Variants in ITGB6 observed in about 807,000 individuals in gnomAD.
ITGB6 encodes the protein integrin beta-6.
ITGB6 carries 80 observed loss-of-function variants against 84.5 expected under a neutral mutation model. The observed-to-expected ratio is 0.95, with a 90% CI of 0.79 to 1.14. The LOEUF is 1.14. Among genes scored for constraint, ITGB6 ranks in the 50% most tolerant of loss-of-function variants. The pLI, the probability that ITGB6 is intolerant of heterozygous loss-of-function variation, is 0.00. For missense variants in ITGB6, 1,006 were observed against 968.0 expected (o/e 1.04, Z -0.52); for synonymous variants, 383 against 354.9 (o/e 1.08, Z -0.89).
chr2:160,148,632 A>G (rs1559154559), intron 7 of ITGB6, among the ~76,000 whole-genome samples: 1 of 152,192 alleles, frequency 6.6e-6, no homozygotes, highest in Non-Finnish European at 1.5e-5. Context: ...GGGTGAGCAG[A>G]AGCAGGGCGG....
At chr2:160,110,275 T>C (rs1299827109) in intron 13 of ITGB6, among the ~76,000 whole-genome samples, 2 of 152,160 alleles carry the variant, frequency 1.3e-5, no homozygotes, top group African/African-American at 2.4e-5. Flanking sequence ...ACCTTTAAAA[T>C]GAAAATAATA....
chr2:160,175,004 G>A (rs1023027645), intron 4 of ITGB6, among the ~76,000 whole-genome samples: 14 of 152,200 alleles, frequency 9.2e-5, no homozygotes, highest in Admixed American at 4.6e-4. Context: ...GCTCACTGGC[G>A]TGCATTGTAC....
chr2:160,143,871 C>T (rs71423044), intron 7 of ITGB6, among the ~76,000 whole-genome samples: 10,055 of 152,184 alleles, frequency 0.066, 381 homozygotes, highest in Middle Eastern at 0.14. Flanking sequence ...CAGGGTGCCC[C>T]GGGCACTTGC....
intron 4 of ITGB6, among the ~76,000 whole-genome samples, chr2:160,187,405 G>A (rs1357583987): frequency 1.3e-5 from 2 of 151,970 alleles, no homozygotes; most frequent in African/African-American, 4.8e-5. Flanking sequence ...ACTTTCACCT[G>A]TTATCTAGTT....
chr2:160,181,093 GT>G (rs540374605), intron 4 of ITGB6, among the ~76,000 whole-genome samples: 227 of 152,144 alleles, frequency 1.5e-3, no homozygotes, highest in African/African-American at 4.8e-3. Flanking sequence ...AGCTGCCGGA[GT>G]TTTTTTTCAT....
chr2:160,160,262 A>G (rs1222496416), intron 7 of ITGB6, among the ~76,000 whole-genome samples: 2 of 152,248 alleles, frequency 1.3e-5, no homozygotes, highest in African/African-American at 4.8e-5. Context: ...TGGAAAGCAG[A>G]GAAACAATGA....
intron 7 of ITGB6, among the ~76,000 whole-genome samples, chr2:160,144,398 C>T (rs1263046788): frequency 2.6e-5 from 4 of 152,130 alleles, no homozygotes; most frequent in Non-Finnish European, 2.9e-5. Flanking sequence ...CACTGGTTTA[C>T]GGACTTACCT....
intron 7 of ITGB6, among the ~76,000 whole-genome samples, chr2:160,148,807 G>A (rs764126823): frequency 2.6e-5 from 4 of 152,240 alleles, no homozygotes; most frequent in Non-Finnish European, 5.9e-5. Context: ...TCCCGTACCT[G>A]GCTAAGTGGC....
rs116407376 is a variant in ITGB6, at chr2:160,154,623, C to G, written c.1018-12552G>C. On this transcript the variant is annotated intron_variant, in intron 7 of 14. Coordinates refer to ENST00000283249, the MANE Select transcript of ITGB6 (RefSeq NM_000888.5). Reference sequence around the variant, plus strand: ...ACTTATGTCCACACAAAAACGTGTACATAGATGTTTATACCTGCTTTATTC... The same window carrying G: ...ACTTATGTCCACACAAAAACGTGTAGATAGATGTTTATACCTGCTTTATTC... Among the ~76,000 whole-genome samples, 1,160 of 151,688 alleles carry G rather than the reference C, an allele frequency of 7.6e-3. 7 individuals carry two copies. The highest frequency in any genetic ancestry group is 0.011 in the Non-Finnish European group (726 of 67,920).
intron 4 of ITGB6, among the ~76,000 whole-genome samples, chr2:160,193,984 C>G (rs1314211182): frequency 6.6e-6 from 1 of 152,166 alleles, no homozygotes; most frequent in Non-Finnish European, 1.5e-5. Flanking sequence ...TAGCGAAACC[C>G]AGTCACTACT....
At chr2:160,122,607 C>T (rs11902965) in intron 12 of ITGB6, among the ~76,000 whole-genome samples, 101,662 of 152,048 alleles carry the variant, frequency 0.67, 34,362 homozygotes, top group Admixed American at 0.74. Context: ...ATGTATCTCG[C>T]CTTTGGTAGT....
intron 4 of ITGB6, among the ~76,000 whole-genome samples, chr2:160,194,699 A>T (rs1391611640): frequency 6.6e-6 from 1 of 152,148 alleles, no homozygotes; most frequent in East Asian, 1.9e-4. Context: ...ATAGGAGAAT[A>T]TTTGATTCTG....
chr2:160,199,887 CA>C (rs1262429175), intron 1 of ITGB6, 115 bp downstream of exon 1: 8 of 795,260 alleles, frequency 1.0e-5, no homozygotes, highest in Non-Finnish European at 1.7e-5. Flanking sequence ...CACTCAGTCA[CA>C]AAAGAGCAAT....
intron 4 of ITGB6, among the ~76,000 whole-genome samples, chr2:160,177,414 C>CA (rs943544860): frequency 9.9e-5 from 15 of 151,768 alleles, no homozygotes; most frequent in African/African-American, 3.4e-4. Context: ...AAAAAAAATA[C>CA]AAAAAAATTA....
intron 7 of ITGB6, among the ~76,000 whole-genome samples, chr2:160,143,525 A>G (rs540476682): frequency 6.6e-6 from 1 of 152,242 alleles, no homozygotes; most frequent in Non-Finnish European, 1.5e-5. Flanking sequence ...TAGGTTTTCT[A>G]TACTGTACTA....
chr2:160,160,350 A>G (rs1051296622), intron 7 of ITGB6, among the ~76,000 whole-genome samples: 2 of 152,228 alleles, frequency 1.3e-5, no homozygotes, highest in African/African-American at 4.8e-5. Context: ...CTTACTTGAC[A>G]TTCGAATTTA....
intron 4 of ITGB6, among the ~76,000 whole-genome samples, chr2:160,186,592 T>C (rs910234078): frequency 3.3e-5 from 5 of 152,176 alleles, no homozygotes; most frequent in African/African-American, 1.2e-4. Context: ...AAATACCACT[T>C]GACTCAGCAA....
intron 4 of ITGB6, among the ~76,000 whole-genome samples, chr2:160,186,968 G>C (rs1263717132): frequency 2.0e-5 from 3 of 151,852 alleles, no homozygotes; most frequent in African/African-American, 7.3e-5. Context: ...CTGTCGGGGG[G>C]GTGGGAGGCT....
chr2:160,102,879 G>A (rs925038823), intron 14 of ITGB6, among the ~76,000 whole-genome samples: 4 of 152,152 alleles, frequency 2.6e-5, no homozygotes, highest in Non-Finnish European at 5.9e-5. Context: ...TTCCTACCTC[G>A]TCCAGGTAAA....
Sources: gnomAD v4.1 joint callset for allele counts (sites outside exome capture counted in the v4.1 genomes callset) on GRCh38, gnomAD v4.1.1 for gene constraint, MANE v1.5 for transcripts, NCBI Gene and HGNC (gene_info 2026-07-23, HGNC 2026-07-21) for gene names.